Variants in BCAT1 observed in about 807,000 individuals in gnomAD.
BCAT1 encodes the protein branched chain amino acid transaminase 1.
In BCAT1, 48 loss-of-function variants were observed where a neutral mutation model predicts 52.4. The observed-to-expected ratio is 0.92, with a 90% confidence interval of 0.73 to 1.16. The LOEUF is 1.16. Ranked by LOEUF, BCAT1 falls within the 50% of genes most tolerant of loss-of-function variation. BCAT1 has a pLI of 0.00. For synonymous variants in BCAT1, 167 were observed against 161.3 expected (o/e 1.04, Z -0.27); for missense variants, 451 against 457.1 (o/e 0.99, Z 0.12).
chr12:24,894,907 A>G (rs1942925771), intron 2 of BCAT1, among the ~76,000 whole-genome samples: 1 of 152,248 alleles, frequency 6.6e-6, no homozygotes, highest in African/African-American at 2.4e-5. Flanking sequence ...ACTGCTATTT[A>G]GCAATGGTTA....
chr12:24,818,329 T>G (rs921394190), intron 10 of BCAT1, among the ~76,000 whole-genome samples: 12 of 152,210 alleles, frequency 7.9e-5, no homozygotes, highest in African/African-American at 2.9e-4. Flanking sequence ...TGAACTCAAA[T>G]TCATAGCTGG....
intron 5 of BCAT1, among the ~76,000 whole-genome samples, chr12:24,851,653 T>C (rs1466036455): frequency 6.6e-6 from 1 of 152,230 alleles, no homozygotes; most frequent in Non-Finnish European, 1.5e-5. Flanking sequence ...AGGTTTTGAT[T>C]GTTAGCTTGT....
chr12:24,882,597 A>ATT (rs67802372), intron 3 of BCAT1, among the ~76,000 whole-genome samples: 125 of 146,538 alleles, frequency 8.5e-4, no homozygotes, highest in Admixed American at 2.2e-3. Flanking sequence ...TTTATTATTT[A>ATT]TTTTTTTTTT....
intron 5 of BCAT1, among the ~76,000 whole-genome samples, chr12:24,865,841 G>A (rs1941990105): frequency 6.6e-6 from 1 of 152,100 alleles, no homozygotes; most frequent in African/African-American, 2.4e-5. Flanking sequence ...TATATTTGTT[G>A]TATCAATAAT....
chr12:24,854,170 T>C (rs1941597615), intron 5 of BCAT1, among the ~76,000 whole-genome samples: 1 of 152,188 alleles, frequency 6.6e-6, no homozygotes, highest in African/African-American at 2.4e-5. Context: ...GAAATTACTT[T>C]ATCAAAAGGC....
At chr12:24,881,436 T>C (rs569062959) in intron 3 of BCAT1, 25 bp from the exon 4 acceptor site, 1 of 1,509,746 alleles carries the variant, frequency 6.6e-7, no homozygotes, top group African/African-American at 1.4e-5. Flanking sequence ...GAAAAAATCT[T>C]AGAGGGTAAC....
intron 7 of BCAT1, among the ~76,000 whole-genome samples, chr12:24,836,944 A>C (rs1591792622): frequency 8.2e-6 from 1 of 122,222 alleles, no homozygotes; most frequent in Admixed American, 7.9e-5. Context: ...GAAAGAAAGA[A>C]AGAAAGAAAG....
At chr12:24,902,341 G>A in intron 1 of BCAT1, 4 of 1,208,308 alleles carry the variant, frequency 3.3e-6, no homozygotes, top group Non-Finnish European at 4.1e-6. Context: ...GGACGGGCGT[G>A]AACCATTTCC....
chr12:24,876,179 C>CAA (rs777170153), intron 5 of BCAT1, among the ~76,000 whole-genome samples: 36 of 140,202 alleles, frequency 2.6e-4, no homozygotes, highest in Admixed American at 2.3e-3. Flanking sequence ...ATCATACAGT[C>CAA]AAAAACTCCT....
At chr12:24,845,197 G>C (rs1941306831) in intron 6 of BCAT1, among the ~76,000 whole-genome samples, 1 of 149,770 alleles carries the variant, frequency 6.7e-6, no homozygotes, top group Admixed American at 6.7e-5. Flanking sequence ...CTAGGAGACA[G>C]AGCGAGACTG....
In BCAT1 at chr12:24,843,763, A is replaced by T. The variant is rs145335355; in HGVS notation, c.675-1539T>A. Among the ~76,000 whole-genome samples the T allele has an allele frequency of 8.9e-4, 136 of 152,246 alleles. 1 individual carries two copies. In the South Asian group the frequency reaches 1.0e-2, roughly 11 times the overall value. The stretch of plus-strand genomic sequence containing the variant: ...GCATCTTGCCCTACCACAACTGATG[A>T]CAATATAGCATCTTGCCCTGCTGCA... On this transcript the variant is annotated intron_variant, in intron 6 of 10. Coordinates refer to ENST00000261192, the MANE Select transcript of BCAT1 (RefSeq NM_005504.7).
At position 24,889,184 on chromosome 12, in the gene BCAT1, C is replaced by T. The variant is rs150947168; in HGVS notation, c.279+5091G>A. 1.1e-3 allele frequency among the ~76,000 whole-genome samples: 168 copies of T among 152,316 alleles called. 1 individual carries two copies. Among genetic ancestry groups the T allele is most frequent in the African/African-American group, 1.3e-3 (56 of 41,564 alleles). ...AAGAACTGTTTCTGTTTCTCTTCTG[C>T]CTATTAAACCTCCACTCCTAAACTC... is the stretch of plus-strand genomic sequence containing the variant. On this transcript the variant is annotated intron_variant, in intron 3 of 10. Coordinates refer to ENST00000261192, the MANE Select transcript of BCAT1 (RefSeq NM_005504.7).
intron 5 of BCAT1, 110 bp from the exon 6 acceptor site, chr12:24,850,059 A>G: frequency 9.7e-7 from 1 of 1,035,706 alleles, no homozygotes; most frequent in Non-Finnish European, 1.3e-6. Flanking sequence ...GAATTACAGG[A>G]GCTATTACCA....
intron 2 of BCAT1, among the ~76,000 whole-genome samples, chr12:24,898,329 T>C (rs1943006414): frequency 1.0e-5 from 1 of 95,360 alleles, no homozygotes. Flanking sequence ...TGTGGAAGAA[T>C]TGGAATGCCA....
chr12:24,845,138 A>C (rs1023897493), intron 6 of BCAT1, among the ~76,000 whole-genome samples: 6 of 151,024 alleles, frequency 4.0e-5, no homozygotes, highest in African/African-American at 1.5e-4. Flanking sequence ...CACTCACACC[A>C]GGGAGGCGGA....
In BCAT1 at chr12:24,815,361, A is replaced by T. The variant is rs1939839415; in HGVS notation, c.*2647T>A. 6.6e-6 allele frequency: 1 copy of T among 152,646 alleles called. No individual in the cohort carries two copies. The allele number at this position is 152,646 out of a possible 1,614,324, so 9.5% of individuals were successfully genotyped here. Reference sequence around the variant, plus strand: ...AATTAAACATTAAATAATTGCAGCCAATTATGCAAATATCAGCAACAATAT... The same window carrying T: ...AATTAAACATTAAATAATTGCAGCCTATTATGCAAATATCAGCAACAATAT... On this transcript the variant is annotated 3_prime_UTR_variant, in exon 11 of 11. Transcript: ENST00000261192.
At chr12:24,820,367 C>T (rs1189420931) in intron 10 of BCAT1, among the ~76,000 whole-genome samples, 1 of 151,994 alleles carries the variant, frequency 6.6e-6, no homozygotes, top group Non-Finnish European at 1.5e-5. Context: ...ATGGATAATG[C>T]AATTTAATTT....
intron 1 of BCAT1, among the ~76,000 whole-genome samples, chr12:24,938,174 T>G (rs986829417): frequency 2.0e-5 from 3 of 152,054 alleles, no homozygotes; most frequent in Non-Finnish European, 2.9e-5. Flanking sequence ...AGACTCCTGG[T>G]CTGAGTAGCA....
At chr12:24,830,686 ACTT>A (rs1161530754) in intron 9 of BCAT1, 2 of 152,154 alleles carry the variant, frequency 1.3e-5, no homozygotes, top group African/African-American at 4.8e-5. Flanking sequence ...AACTTTATAA[ACTT>A]CTTATTTCTA....
Sources: allele counts gnomAD v4.1 joint callset (sites outside exome capture counted in the v4.1 genomes callset), GRCh38; gene constraint gnomAD v4.1.1; transcripts MANE v1.5; gene names NCBI Gene and HGNC (gene_info 2026-07-23, HGNC 2026-07-21).